Variants in SERPINB7 observed in about 807,000 individuals in gnomAD.
The protein encoded by SERPINB7 is serpin B7.
In SERPINB7, 31 loss-of-function variants were observed where a neutral mutation model predicts 37.4. The observed-to-expected ratio is 0.83, with a 90% CI of 0.62 to 1.12. The LOEUF (loss-of-function observed/expected upper bound fraction) is 1.12, where lower values mean the gene tolerates loss of function less well. SERPINB7 is among the 50% of genes most tolerant of loss of function. SERPINB7 has a pLI of 0.00. For synonymous variants in SERPINB7, 163 were observed against 166.1 expected, an observed-to-expected ratio of 0.98 and a Z score of 0.14; for missense variants, 521 against 455.3, an observed-to-expected ratio of 1.14 and a Z score of -1.31.
chr18:63,782,939 C>A (rs1033286983), intron 2 of SERPINB7, among the ~76,000 whole-genome samples: 7 of 151,896 alleles, frequency 4.6e-5, no homozygotes, highest in East Asian at 2.0e-4. Flanking sequence ...GAGATCGAGA[C>A]CATCCTGGCT....
At chr18:63,770,238 C>T (rs2049202865) in intron 1 of SERPINB7, among the ~76,000 whole-genome samples, 1 of 150,940 alleles carries the variant, frequency 6.6e-6, no homozygotes, top group African/African-American at 2.4e-5. Context: ...TTTATCCCTG[C>T]CTCTATTAGT....
intron 1 of SERPINB7, among the ~76,000 whole-genome samples, chr18:63,758,852 G>A (rs1381621095): frequency 3.3e-5 from 5 of 152,236 alleles, no homozygotes; most frequent in Admixed American, 6.5e-5. Context: ...CAGAGTCCAA[G>A]TGTACTAAAG....
intron 7 of SERPINB7, 146 bp from the exon 8 acceptor site, chr18:63,804,091 T>C: frequency 1.7e-6 from 1 of 604,140 alleles, no homozygotes. Flanking sequence ...TCATGTTCTG[T>C]TTCAAGACTG....
intron 2 of SERPINB7, among the ~76,000 whole-genome samples, chr18:63,784,414 C>G (rs894228765): frequency 6.6e-6 from 1 of 152,216 alleles, no homozygotes; most frequent in East Asian, 1.9e-4. Flanking sequence ...CCCTCAAAAG[C>G]AAAATCAGTC....
At chr18:63,800,788 CA>C in intron 6 of SERPINB7, 77 bp from the exon 7 acceptor site, 1 of 1,509,456 alleles carries the variant, frequency 6.6e-7, no homozygotes, top group South Asian at 1.3e-5. Context: ...TGACCAAGTA[CA>C]ATATTCTTAT....
chr18:63,777,845 A>G (rs1314097718), intron 1 of SERPINB7: 2 of 151,848 alleles, frequency 1.3e-5, no homozygotes, highest in Admixed American at 6.6e-5. Context: ...TCTGAAGTCC[A>G]TAATTTAAAG....
rs2049368926 is a variant in SERPINB7, at chr18:63,786,155, ACACACACACACCAGCATGGCACATGG to A, written c.168+3640_168+3665del. On this transcript the variant is annotated intron_variant, in intron 2 of 7. Transcript: ENST00000398019. ...TATATACATATATACACACACACAC[ACACACACACACCAGCATGGCACATGG>A]CACACACACACCAGCATGGCACATA... Among the ~76,000 whole-genome samples, 2 of 65,988 alleles carry A rather than the reference ACACACACACACCAGCATGGCACATGG, an allele frequency of 3.0e-5. 1 individual carries two copies. The highest frequency in any genetic ancestry group is 8.5e-5 in the Non-Finnish European group (2 of 23,644). 43.3% of individuals were successfully genotyped at this position (65,988 alleles called of 152,430 possible).
intron 1 of SERPINB7, among the ~76,000 whole-genome samples, chr18:63,762,634 G>A (rs542087892): frequency 2.6e-5 from 4 of 152,304 alleles, no homozygotes; most frequent in Non-Finnish European, 5.9e-5. Flanking sequence ...ATAGCTCTGG[G>A]GGAGTGACGA....
intron 2 of SERPINB7, among the ~76,000 whole-genome samples, chr18:63,783,285 AGAAAGAAAGAAAT>A (rs2049332359): frequency 6.6e-6 from 1 of 151,424 alleles, no homozygotes; most frequent in Non-Finnish European, 1.5e-5. Flanking sequence ...AAAGAAAGAA[AGAAAGAAAGAAAT>A]GCAAATGCTT....
At chr18:63,783,574 A>G (rs1368304275) in intron 2 of SERPINB7, among the ~76,000 whole-genome samples, 4 of 152,144 alleles carry the variant, frequency 2.6e-5, no homozygotes, top group Non-Finnish European at 5.9e-5. Flanking sequence ...CTTCACCGCC[A>G]CCTTCAGGGA....
chr18:63,785,882 TTA>T (rs34009169), intron 2 of SERPINB7, among the ~76,000 whole-genome samples: 52,994 of 105,044 alleles, frequency 0.5, 14,336 homozygotes, highest in African/African-American at 0.64. Context: ...TTGAAATGCT[TTA>T]TATATATATA....
intron 7 of SERPINB7, among the ~76,000 whole-genome samples, chr18:63,803,727 G>T (rs1338436981): frequency 6.6e-6 from 1 of 152,198 alleles, no homozygotes; most frequent in Non-Finnish European, 1.5e-5. Flanking sequence ...TAACTGCACT[G>T]GGAGATATTG....
intron 7 of SERPINB7, among the ~76,000 whole-genome samples, chr18:63,803,412 G>C (rs1470474902): frequency 6.6e-6 from 1 of 152,170 alleles, no homozygotes; most frequent in Non-Finnish European, 1.5e-5. Flanking sequence ...GATTGAAGTT[G>C]AGCCTGAATT....
chr18:63,797,208 G>A (rs1340104680), intron 5 of SERPINB7, among the ~76,000 whole-genome samples: 4 of 152,120 alleles, frequency 2.6e-5, no homozygotes, highest in Non-Finnish European at 5.9e-5. Flanking sequence ...TATTGTACCT[G>A]TATTTACTAA....
At chr18:63,756,930 C>T (rs2049125895) in intron 1 of SERPINB7, among the ~76,000 whole-genome samples, 1 of 151,974 alleles carries the variant, frequency 6.6e-6, no homozygotes, top group East Asian at 1.9e-4. Flanking sequence ...TTCTTTCACT[C>T]AAATTCTATA....
At chr18:63,780,649 T>C (rs1029269240) in intron 1 of SERPINB7, among the ~76,000 whole-genome samples, 7 of 152,244 alleles carry the variant, frequency 4.6e-5, no homozygotes, top group Non-Finnish European at 1.0e-4. Context: ...TTTTTCTGGG[T>C]AACTTTTGAA....
Position 63,759,852 on chromosome 18 carries a change from TC to T in SERPINB7, c.-19+6738del, listed in dbSNP as rs754534477. Among the ~76,000 whole-genome samples the T allele has an allele frequency of 5.3e-4, 81 of 152,130 alleles. 1 individual carries two copies. The East Asian group carries it at 0.012, about 22-fold the overall frequency. On this transcript the variant is annotated intron_variant, in intron 1 of 7. Transcript: ENST00000336429. ...TACCATGTAAGAAGTGCTTCTCACC[TC>T]CCCCCATGATTCTGAGGCCTCCACA...
In SERPINB7 at chr18:63,783,250, GA is replaced by G. The variant is rs1446568008; in HGVS notation, c.168+713del. ...AGAGAGAGAGAAAGAAAGAAAGAAA[GA>G]AAGAAAGAAAGAAAGAAAGAAAGAA... is the stretch of plus-strand genomic sequence containing the variant. On this transcript the variant is annotated intron_variant, in intron 2 of 7. Coordinates refer to ENST00000398019, the MANE Select transcript of SERPINB7 (RefSeq NM_003784.4). Among the ~76,000 whole-genome samples, 18 of 144,654 alleles carry G rather than the reference GA, an allele frequency of 1.2e-4. 1 individual carries two copies. The highest frequency in any genetic ancestry group is 4.7e-4 in the African/African-American group (18 of 38,470). 94.9% of individuals were successfully genotyped at this position (144,654 alleles called of 152,430 possible). A position where few individuals can be genotyped will look rare whatever the true frequency, so the allele number is the denominator to read the frequency against.
chr18:63,768,016 G>A (rs936234549), intron 1 of SERPINB7, among the ~76,000 whole-genome samples: 3 of 151,878 alleles, frequency 2.0e-5, no homozygotes, highest in African/African-American at 7.3e-5. Flanking sequence ...GAAGTCTGAA[G>A]GTCTCTTCCC....
Sources: gnomAD v4.1 joint callset for allele counts (sites outside exome capture counted in the v4.1 genomes callset) on GRCh38, gnomAD v4.1.1 for gene constraint, MANE v1.5 for transcripts, NCBI Gene and HGNC (gene_info 2026-07-23, HGNC 2026-07-21) for gene names.